The following LIPA variants were observed in gnomAD, a reference collection of about 807,000 sequenced individuals.
LIPA encodes lipase A, lysosomal acid type, also known as lysosomal acid lipase/cholesteryl ester hydrolase.
LIPA carries 26 observed loss-of-function variants against 40.6 expected under a neutral mutation model. The ratio of observed to expected loss-of-function variants is 0.64; its 90% CI spans 0.47 to 0.89. The LOEUF (loss-of-function observed/expected upper bound fraction) is 0.89. Ranked by LOEUF, LIPA falls within the 40% of genes least tolerant of loss-of-function variation. The pLI is 0.00. For missense variants in LIPA, 455 were observed against 479.6 expected (o/e 0.95, Z 0.48); for synonymous variants, 188 against 168.4 (o/e 1.12, Z -0.90).
At chr10:89,282,195 T>C (rs1319051520) in intron 1 of LIPA, among the ~76,000 whole-genome samples, 1 of 152,202 alleles carries the variant, frequency 6.6e-6, no homozygotes, top group Non-Finnish European at 1.5e-5. Flanking sequence ...CTGAGAAAGG[T>C]CCTGGAAGGA....
intron 1 of LIPA, among the ~76,000 whole-genome samples, chr10:89,310,025 T>C (rs1205665078): frequency 6.6e-6 from 1 of 152,228 alleles, no homozygotes; most frequent in African/African-American, 2.4e-5. Flanking sequence ...TATCCATCAA[T>C]GACCATTGCC....
chr10:89,314,058 C>T lies in LIPA; in HGVS notation c.-2+28553G>A, dbSNP rs147752213. Among the ~76,000 whole-genome samples, 762 of 152,180 alleles carry T rather than the reference C, an allele frequency of 5.0e-3. 3 individuals are homozygous for T. The highest frequency in any genetic ancestry group is 0.017 in the Middle Eastern group (5 of 294). On this transcript the variant is annotated intron_variant, in intron 1 of 5. Coordinates refer to the LIPA transcript ENST00000282673. ...CTGTTAAAAATGGGCACTCTTATTC[C>T]AAATATAATAAAGAAAATTTTTCTT...
intron 2 of LIPA, among the ~76,000 whole-genome samples, chr10:89,353,940 CAA>C (rs796348512): frequency 7.1e-6 from 1 of 140,788 alleles, no homozygotes. Flanking sequence ...GACTCCGTCT[CAA>C]AAAAAAAAAA....
At chr10:89,360,309 A>G (rs1405297253) in intron 2 of LIPA, among the ~76,000 whole-genome samples, 2 of 152,178 alleles carry the variant, frequency 1.3e-5, no homozygotes, top group South Asian at 2.1e-4. Flanking sequence ...TGGGGAGGAC[A>G]CACCCATAAT....
intron 2 of LIPA, among the ~76,000 whole-genome samples, chr10:89,247,254 C>G (rs1843036579): frequency 6.6e-6 from 1 of 151,678 alleles, no homozygotes; most frequent in African/African-American, 2.4e-5. Flanking sequence ...TGCCTGTAGT[C>G]CCAGCTACTT....
At position 89,240,008 on chromosome 10, in the gene LIPA, G is replaced by A. The variant is rs1322534350; in HGVS notation, c.229+5668C>T. On this transcript the variant is annotated intron_variant, in intron 3 of 9. Coordinates refer to ENST00000336233, the MANE Select transcript of LIPA (RefSeq NM_000235.4). The stretch of plus-strand genomic sequence containing the variant: ...GAGTTCCAGAGCTTCACAGTTGAGC[G>A]AATTTTGGGAAATTATCCAGCTCTC... Among the ~76,000 whole-genome samples the A allele has an allele frequency of 4.6e-5, 7 of 152,100 alleles. No homozygotes were observed. The East Asian group carries it at 5.8e-4, about 13-fold the overall frequency.
intron 1 of LIPA, among the ~76,000 whole-genome samples, chr10:89,314,248 T>C (rs569955533): frequency 3.9e-5 from 6 of 152,368 alleles, no homozygotes; most frequent in Non-Finnish European, 8.8e-5. Flanking sequence ...CATCTGATTT[T>C]ATATTTAAAT....
chr10:89,330,409 T>G (rs1465960702), intron 1 of LIPA, among the ~76,000 whole-genome samples: 1 of 152,208 alleles, frequency 6.6e-6, no homozygotes, highest in Admixed American at 6.5e-5. Context: ...CTATGCCCAA[T>G]GGCCAAAAGG....
chr10:89,403,283 G>A (rs78886410), intron 2 of LIPA: 1 of 1,614,144 alleles, frequency 6.2e-7, no homozygotes, highest in African/African-American at 1.3e-5. Flanking sequence ...TGGAAAAAAA[G>A]CCCACATTTG....
intron 1 of LIPA, chr10:89,335,543 C>CAAAAAA (rs555368433): frequency 8.5e-6 from 1 of 118,204 alleles, no homozygotes. Flanking sequence ...TTCTGCCCTC[C>CAAAAAA]AAAAAAAAAA....
intron 2 of LIPA, among the ~76,000 whole-genome samples, chr10:89,387,797 T>C (rs185174153): frequency 6.6e-6 from 1 of 152,350 alleles, no homozygotes; most frequent in Admixed American, 6.5e-5. Flanking sequence ...AATGAGTGGA[T>C]GAATAGATAT....
At chr10:89,313,879 G>T (rs1416281954) in intron 1 of LIPA, among the ~76,000 whole-genome samples, 3 of 152,216 alleles carry the variant, frequency 2.0e-5, no homozygotes, top group African/African-American at 7.2e-5. Context: ...CCTAAGGCTA[G>T]GGGAGGGGGT....
chr10:89,340,203 GC>G, intron 1 of LIPA: 4 of 1,469,484 alleles, frequency 2.7e-6, no homozygotes, highest in Non-Finnish European at 3.6e-6. Context: ...AAGACAGGGG[GC>G]CCCAACCTGG....
intron 2 of LIPA, among the ~76,000 whole-genome samples, chr10:89,371,937 G>A (rs867828408): frequency 6.6e-6 from 1 of 152,150 alleles, no homozygotes; most frequent in African/African-American, 2.4e-5. Context: ...ATTATCCTAA[G>A]TCAACTAACA....
intron 2 of LIPA, among the ~76,000 whole-genome samples, chr10:89,349,805 A>G (rs1195112913): frequency 6.6e-6 from 1 of 152,208 alleles, no homozygotes; most frequent in African/African-American, 2.4e-5. Context: ...ATGCCACCCC[A>G]AAACATGCCA....
intron 1 of LIPA, among the ~76,000 whole-genome samples, chr10:89,336,420 A>G (rs781420479): frequency 1.6e-4 from 25 of 152,314 alleles, no homozygotes; most frequent in Non-Finnish European, 3.4e-4. Context: ...TTGATTCTGC[A>G]TCTCTCACTA....
intron 2 of LIPA, among the ~76,000 whole-genome samples, chr10:89,371,037 C>T (rs58016375): frequency 4.0e-5 from 6 of 151,870 alleles, no homozygotes; most frequent in Non-Finnish European, 8.8e-5. Context: ...AACAAACAAA[C>T]AAAAAATTTT....
chr10:89,281,464 TAA>T (rs1021425988), intron 1 of LIPA, among the ~76,000 whole-genome samples: 10 of 152,156 alleles, frequency 6.6e-5, no homozygotes, highest in Admixed American at 2.6e-4. Flanking sequence ...TGAAAAAAAA[TAA>T]AAGTCTCTCT....
At chr10:89,335,004 A>G (rs954109397) in intron 1 of LIPA, among the ~76,000 whole-genome samples, 2 of 152,222 alleles carry the variant, frequency 1.3e-5, no homozygotes, top group African/African-American at 4.8e-5. Context: ...TATTATAATG[A>G]AAACCTCCTG....
Sources: gnomAD v4.1 joint callset for allele counts (sites outside exome capture counted in the v4.1 genomes callset) on GRCh38, gnomAD v4.1.1 for gene constraint, MANE v1.5 for transcripts, NCBI Gene and HGNC (gene_info 2026-07-23, HGNC 2026-07-21) for gene names.